Variants in MSRA observed in about 807,000 individuals in gnomAD.
MSRA encodes the protein methionine sulfoxide reductase A, also known as mitochondrial peptide methionine sulfoxide reductase.
MSRA carries 54 observed loss-of-function variants against 31.3 expected under a neutral mutation model. The observed-to-expected ratio is 1.73, with a 90% CI of 1.39 to 2.17. The LOEUF is 2.17. Among genes scored for constraint, MSRA ranks in the 30% most tolerant of loss-of-function variants. The pLI is 0.00. For synonymous variants in MSRA, 169 were observed against 116.5 expected (o/e 1.45, Z -2.90); for missense variants, 507 against 300.9 (o/e 1.69, Z -5.07).
intron 2 of MSRA, among the ~76,000 whole-genome samples, chr8:10,235,275 A>G (rs1031123681): frequency 6.6e-6 from 1 of 152,180 alleles, no homozygotes; most frequent in South Asian, 2.1e-4. Context: ...ATAACAGGCC[A>G]TATGTTTGAA....
intron 1 of MSRA, among the ~76,000 whole-genome samples, chr8:10,066,763 G>T (rs1797473706): frequency 6.6e-6 from 1 of 152,030 alleles, no homozygotes; most frequent in Non-Finnish European, 1.5e-5. Flanking sequence ...TCGAACTCCT[G>T]ACCTCAGGTG....
intron 2 of MSRA, among the ~76,000 whole-genome samples, chr8:10,219,496 TAAAAA>T (rs1376446517): frequency 6.6e-6 from 1 of 151,932 alleles, no homozygotes; most frequent in Non-Finnish European, 1.5e-5. Flanking sequence ...ATAAGGTAAA[TAAAAA>T]TAAAATAATT....
chr8:10,070,574 C>A (rs1166604099), intron 1 of MSRA, among the ~76,000 whole-genome samples: 1 of 152,188 alleles, frequency 6.6e-6, no homozygotes, highest in African/African-American at 2.4e-5. Flanking sequence ...AGGATATTGA[C>A]AATGACAGAG....
rs1224267424 is a variant in MSRA, at chr8:10,165,459, T to G, written c.143-42374T>G. Among the ~76,000 whole-genome samples, 4 of 152,284 alleles carry G rather than the reference T, an allele frequency of 2.6e-5. No homozygotes were observed. In the East Asian group the frequency reaches 7.7e-4, roughly 29 times the overall value. On this transcript the variant is annotated intron_variant, in intron 1 of 5. Transcript: ENST00000317173. ...GCAGTCAAACAAAATTTTAGATAAT[T>G]GTTTTCTAATGGCTTCCTGACAAAT...
chr8:10,261,920 GC>G (rs1798506746), intron 3 of MSRA, among the ~76,000 whole-genome samples: 1 of 152,110 alleles, frequency 6.6e-6, no homozygotes, highest in Non-Finnish European at 1.5e-5. Flanking sequence ...TGATAGTTCC[GC>G]CTTTTCCAGA....
intron 5 of MSRA, among the ~76,000 whole-genome samples, chr8:10,419,031 C>T (rs2129193829): frequency 6.6e-6 from 1 of 152,210 alleles, no homozygotes. Context: ...ATACATACGG[C>T]ATCCTTGTGC....
chr8:10,078,771 A>G (rs1563407246), intron 1 of MSRA, among the ~76,000 whole-genome samples: 1 of 152,232 alleles, frequency 6.6e-6, no homozygotes, highest in Non-Finnish European at 1.5e-5. Flanking sequence ...TCTTTGACCA[A>G]AAACAACCAG....
At chr8:10,257,161 C>T (rs903133899) in intron 3 of MSRA, among the ~76,000 whole-genome samples, 4 of 152,010 alleles carry the variant, frequency 2.6e-5, no homozygotes, top group Non-Finnish European at 5.9e-5. Flanking sequence ...ACACCATTTC[C>T]ATCAGGGGTG....
intron 5 of MSRA, among the ~76,000 whole-genome samples, chr8:10,330,424 T>C (rs1448426253): frequency 6.6e-6 from 1 of 152,186 alleles, no homozygotes; most frequent in Admixed American, 6.5e-5. Flanking sequence ...ATACAGATCC[T>C]TTGTGTTTTC....
At chr8:10,238,364 C>A (rs1382601152) in intron 2 of MSRA, among the ~76,000 whole-genome samples, 1 of 152,158 alleles carries the variant, frequency 6.6e-6, no homozygotes, top group African/African-American at 2.4e-5. Context: ...GCTCTTGTTA[C>A]CTTCAAACTA....
chr8:10,279,864 A>G (rs1263668591), intron 3 of MSRA, among the ~76,000 whole-genome samples: 1 of 152,142 alleles, frequency 6.6e-6, no homozygotes, highest in Non-Finnish European at 1.5e-5. Context: ...GTGCTTCTGG[A>G]GCTATTTCAA....
At chr8:10,346,046 TTTA>T (rs1021718272) in intron 5 of MSRA, among the ~76,000 whole-genome samples, 2 of 102,276 alleles carry the variant, frequency 2.0e-5, no homozygotes, top group Non-Finnish European at 5.6e-5. Context: ...TTGTATTGTG[TTTA>T]TGTGTACATG....
chr8:10,327,453 G>T (rs866323235), intron 5 of MSRA, among the ~76,000 whole-genome samples: 21 of 152,220 alleles, frequency 1.4e-4, no homozygotes, highest in Admixed American at 6.5e-4. Context: ...TGTACAAATG[G>T]GTTCCAGCTA....
chr8:10,111,620 T>TGCCTAG (rs1324674069), intron 1 of MSRA, among the ~76,000 whole-genome samples: 1 of 152,220 alleles, frequency 6.6e-6, no homozygotes, highest in Non-Finnish European at 1.5e-5. Flanking sequence ...AATATATGAA[T>TGCCTAG]GCCTAGGTAT....
chr8:10,377,861 C>G (rs1399835587), intron 5 of MSRA, among the ~76,000 whole-genome samples: 3 of 152,316 alleles, frequency 2.0e-5, no homozygotes, highest in East Asian at 3.9e-4. Flanking sequence ...CCACTTTGCA[C>G]AGATCTCGCC....
intron 1 of MSRA, among the ~76,000 whole-genome samples, chr8:10,156,820 T>TTG (rs1804193495): frequency 6.6e-6 from 1 of 151,350 alleles, no homozygotes; most frequent in Admixed American, 6.6e-5. Context: ...TTTTTTTTTT[T>TTG]TTTTTTAGCT....
intron 1 of MSRA, among the ~76,000 whole-genome samples, chr8:10,169,258 C>G (rs1480035487): frequency 6.6e-6 from 1 of 152,178 alleles, no homozygotes; most frequent in Non-Finnish European, 1.5e-5. Flanking sequence ...TGGCCAAAGC[C>G]TTAACATTGT....
chr8:10,306,749 G>A (rs4240644), intron 4 of MSRA, among the ~76,000 whole-genome samples: 126,879 of 152,060 alleles, frequency 0.83, 53,320 homozygotes, highest in East Asian at 0.99. Flanking sequence ...AGTCCTGCGT[G>A]GGACTCGGGG....
chr8:10,367,510 A>G (rs1805235633), intron 5 of MSRA, among the ~76,000 whole-genome samples: 2 of 152,192 alleles, frequency 1.3e-5, no homozygotes, highest in South Asian at 2.1e-4. Flanking sequence ...TTAGCAGGTT[A>G]TGGAGAACAT....
Sources: gnomAD v4.1 joint callset for allele counts (sites outside exome capture counted in the v4.1 genomes callset) on GRCh38, gnomAD v4.1.1 for gene constraint, MANE v1.5 for transcripts, NCBI Gene and HGNC (gene_info 2026-07-23, HGNC 2026-07-21) for gene names.